The following PAFAH2 variants were observed in gnomAD, a reference collection of about 807,000 sequenced individuals.
The protein encoded by PAFAH2 is platelet-activating factor acetylhydrolase 2, cytoplasmic.
In PAFAH2, 42 loss-of-function variants were observed where a neutral mutation model predicts 49.0. The ratio of observed to expected loss-of-function variants is 0.86; its 90% CI spans 0.67 to 1.11. The LOEUF is 1.11. Among genes scored for constraint, PAFAH2 ranks in the 50% least tolerant of loss-of-function variants. The pLI is 0.00. For synonymous variants in PAFAH2, 184 were observed against 181.3 expected (o/e 1.01, Z -0.12); for missense variants, 503 against 501.8 (o/e 1.00, Z -0.02).
At chr1:25,980,888 A>C (rs1362900063) in intron 7 of PAFAH2, among the ~76,000 whole-genome samples, 1 of 151,810 alleles carries the variant, frequency 6.6e-6, no homozygotes, top group Non-Finnish European at 1.5e-5. Context: ...ATGGTGGCGC[A>C]CACCTGGAGT....
chr1:25,963,747 C>T (rs532587872), intron 10 of PAFAH2, among the ~76,000 whole-genome samples: 2 of 152,152 alleles, frequency 1.3e-5, no homozygotes, highest in African/African-American at 2.4e-5. Context: ...GTGATCCGCC[C>T]GCCTCGGCCT....
intron 1 of PAFAH2, among the ~76,000 whole-genome samples, chr1:25,991,308 G>A (rs1303387348): frequency 6.6e-6 from 1 of 151,824 alleles, no homozygotes; most frequent in African/African-American, 2.4e-5. Flanking sequence ...TTGAGACGGA[G>A]TCTCGCTCTG....
rs979394274 is a variant in PAFAH2 at position 25,988,408 on chromosome 1, G to C, written c.245-81C>G. The C allele has an allele frequency of 1.6e-4, 159 of 993,308 alleles. 1 individual carries two copies. In the South Asian group the frequency reaches 1.7e-3, roughly 11 times the overall value. The allele number at this position is 993,308 out of a possible 1,614,324, so 61.5% of individuals were successfully genotyped here. A position where few individuals can be genotyped will look rare whatever the true frequency, so the allele number is the denominator to read the frequency against. The stretch of plus-strand genomic sequence containing the variant: ...GGCAGCCTGAGTATAGGTATGGGTG[G>C]GGACATGTGTTTCTCCCCTCTGGAG... On this transcript the variant is annotated intron_variant, in intron 3 of 10. Transcript: ENST00000374282.
chr1:25,972,287 A>G (rs1047288766), intron 10 of PAFAH2, among the ~76,000 whole-genome samples: 3 of 149,614 alleles, frequency 2.0e-5, no homozygotes, highest in African/African-American at 7.4e-5. Flanking sequence ...TGGTAAAGAT[A>G]GAGTCTCACT....
At chr1:25,978,409 G>A (rs2049629147) in intron 7 of PAFAH2, among the ~76,000 whole-genome samples, 1 of 151,970 alleles carries the variant, frequency 6.6e-6, no homozygotes, top group South Asian at 2.1e-4. Flanking sequence ...TACACCTGGC[G>A]CTGTATATTT....
At position 25,963,499 on chromosome 1, in the gene PAFAH2, T is replaced by G. The variant is rs867720271; in HGVS notation, c.1085-1416A>C. ...GAAGGGAGAAAGGAAGGACCCAATG[T>G]TTTTTGTTTGTTTGTTTTTTCTTTG... On this transcript the variant is annotated intron_variant, in intron 10 of 10. Transcript: ENST00000374282. 2.6e-5 allele frequency among the ~76,000 whole-genome samples: 4 copies of G among 152,012 alleles called. No individual in the cohort carries two copies. The South Asian group carries it at 8.3e-4, about 32-fold the overall frequency.
At chr1:25,997,713 GAGGCTGC>G (rs1230656562) in intron 1 of PAFAH2, 1 of 152,928 alleles carries the variant, frequency 6.5e-6, no homozygotes, top group African/African-American at 2.4e-5. Context: ...TCAGGGATGT[GAGGCTGC>G]AGGGTGAAGG....
In PAFAH2 at chr1:25,972,717, G is replaced by A. The variant is rs751831735; in HGVS notation, c.930-5C>T. 36 of 1,613,736 alleles carry A rather than the reference G, an allele frequency of 2.2e-5. No homozygotes were observed. The highest frequency in any genetic ancestry group is 2.7e-5 in the Non-Finnish European group (32 of 1,179,808). ...TGACTCCGATGAACAGAACCACTAG[G>A]GGAAAAGAAAAACAACTGGCAGGGG... On this transcript the variant is annotated splice_polypyrimidine_tract_variant and splice_region_variant and intron_variant, in intron 9 of 10. Coordinates refer to ENST00000374282, the MANE Select transcript of PAFAH2 (RefSeq NM_000437.4).
At chr1:25,980,230 T>A (rs1251493663) in intron 7 of PAFAH2, among the ~76,000 whole-genome samples, 1 of 152,260 alleles carries the variant, frequency 6.6e-6, no homozygotes, top group Non-Finnish European at 1.5e-5. Flanking sequence ...GATCCTTAGT[T>A]TCTTTCTATG....
chr1:25,977,176 C>T (rs556096802), intron 7 of PAFAH2, among the ~76,000 whole-genome samples: 28 of 151,122 alleles, frequency 1.9e-4, no homozygotes, highest in African/African-American at 6.6e-4. Context: ...GCGCCCGCTA[C>T]CACGCCCGGC....
At chr1:25,962,565 G>T (rs1383194972) in intron 10 of PAFAH2, among the ~76,000 whole-genome samples, 1 of 152,164 alleles carries the variant, frequency 6.6e-6, no homozygotes, top group African/African-American at 2.4e-5. Context: ...GCTTATGCCT[G>T]TAACCCTAGT....
chr1:25,980,548 C>A (rs1031861539), intron 7 of PAFAH2, among the ~76,000 whole-genome samples: 14 of 150,208 alleles, frequency 9.3e-5, no homozygotes, highest in Admixed American at 7.3e-4. Flanking sequence ...ACCTTGTGAT[C>A]CACCCACCTC....
At chr1:25,985,677 C>A (rs1032753833) in intron 4 of PAFAH2, among the ~76,000 whole-genome samples, 3 of 152,234 alleles carry the variant, frequency 2.0e-5, no homozygotes. Flanking sequence ...GTCTTCACTA[C>A]TGAATGCCCA....
chr1:25,977,184 G>A (rs1271516339), intron 7 of PAFAH2, among the ~76,000 whole-genome samples: 5 of 150,678 alleles, frequency 3.3e-5, no homozygotes, highest in Non-Finnish European at 5.9e-5. Flanking sequence ...TACCACGCCC[G>A]GCTAATTTTT....
Position 25,983,951 on chromosome 1 carries a change from GA to G in PAFAH2, c.546del (p.Gln184ArgfsTer6), listed in dbSNP as rs2049736215. On this transcript the variant is annotated frameshift_variant, in exon 6 of 11. Transcript: ENST00000374282. LOFTEE classifies it high-confidence loss of function. Reference protein sequence around the residue: ...EEGEKEFHVRNPQVHQRVSEC... With the variant: ...EEGEKEFHVRXPQVHQRVSEC... Reference sequence around the variant, plus strand: ...CCCAACTGGCACAAACTTACCTGGGGATTCCGAACATGAAATTCCTTCTCCC... The same window carrying G: ...CCCAACTGGCACAAACTTACCTGGGGTTCCGAACATGAAATTCCTTCTCCC... The G allele has an allele frequency of 1.2e-6, 2 of 1,614,020 alleles. No homozygotes were observed. The highest frequency in any genetic ancestry group is 1.7e-6 in the Non-Finnish European group (2 of 1,180,024).
chr1:25,992,893 C>T (rs144750183), intron 1 of PAFAH2, among the ~76,000 whole-genome samples: 1 of 152,226 alleles, frequency 6.6e-6, no homozygotes, highest in African/African-American at 2.4e-5. Flanking sequence ...GCGTAAAACC[C>T]GGGACTTTGG....
rs1245067059 is a variant in PAFAH2 at position 25,990,742 on chromosome 1, C to A, written c.75G>T (p.Glu25Asp). ...GGACACTTACCTGGAGATTCTGACC[C>A]TCCATCACATCCCCACAGCCTACGA... The part of the protein sequence containing the change: ...PHLVGCGDVM[E>D]GQNLQGSFFR... Residue 25 changes from glutamate (E) to aspartate (D), a missense_variant, in exon 2 of 11, where the codon GAG (glutamate) becomes GAT (aspartate). Transcript: ENST00000374282. The A allele has an allele frequency of 9.3e-6, 15 of 1,613,790 alleles. No individual in the cohort carries two copies. The highest frequency in any genetic ancestry group is 1.3e-5 in the Non-Finnish European group (15 of 1,179,850).
At position 25,974,465 on chromosome 1, in the gene PAFAH2, T is replaced by C; in HGVS notation, c.929+15A>G. On this transcript the variant is annotated intron_variant, in intron 9 of 10. Transcript: ENST00000374282. ...TGGAGAGGGCCCTGGGATCACGACC[T>C]TGTGGTTTACTCACAGAACGGTTAT... 6.3e-7 allele frequency: 1 copy of C among 1,585,070 alleles called. No individual in the cohort carries two copies. Among genetic ancestry groups the C allele is most frequent in the Admixed American group, 1.8e-5 (1 of 57,076 alleles).
At chr1:25,976,207 G>C (rs2049586627) in intron 8 of PAFAH2, among the ~76,000 whole-genome samples, 1 of 152,066 alleles carries the variant, frequency 6.6e-6, no homozygotes, top group African/African-American at 2.4e-5. Flanking sequence ...GGTGCGGTCA[G>C]AGCTCACTGT....
Sources: allele counts gnomAD v4.1 joint callset (sites outside exome capture counted in the v4.1 genomes callset), GRCh38; gene constraint gnomAD v4.1.1; transcripts MANE v1.5; gene names NCBI Gene and HGNC (gene_info 2026-07-23, HGNC 2026-07-21).